The following GDAP2 variants were observed in gnomAD, a reference collection of about 807,000 sequenced individuals.
The protein encoded by GDAP2 is ganglioside induced differentiation associated protein 2.
GDAP2 carries 51 observed loss-of-function variants against 67.0 expected under a neutral mutation model. That is an observed-to-expected ratio of 0.76 (90% confidence interval 0.61 to 0.96). The LOEUF is 0.96. Ranked by LOEUF, GDAP2 falls within the 40% of genes least tolerant of loss-of-function variation. GDAP2 has a pLI of 0.00. For missense variants in GDAP2, 547 were observed against 588.3 expected, an observed-to-expected ratio of 0.93 and a Z score of 0.73; for synonymous variants, 203 against 207.3, an observed-to-expected ratio of 0.98 and a Z score of 0.18.
chr1:117,895,729 T>C (rs964494138), intron 8 of GDAP2, among the ~76,000 whole-genome samples: 1 of 152,206 alleles, frequency 6.6e-6, no homozygotes. Flanking sequence ...CATACGCTTT[T>C]GTTTTTCAAA....
intron 10 of GDAP2, 24 bp from the exon 11 acceptor site, chr1:117,883,651 G>A: frequency 6.4e-7 from 1 of 1,560,118 alleles, no homozygotes; most frequent in Non-Finnish European, 8.8e-7. Flanking sequence ...GGGGAATAAA[G>A]GTGAAGATCA....
At chr1:117,875,268 T>G (rs551453560) in intron 13 of GDAP2, among the ~76,000 whole-genome samples, 359 of 152,314 alleles carry the variant, frequency 2.4e-3, no homozygotes, top group Non-Finnish European at 3.7e-3. Context: ...TGCTGCTCTC[T>G]GCATCCCAGC....
At chr1:117,916,370 G>C (rs974075263) in intron 3 of GDAP2, among the ~76,000 whole-genome samples, 4 of 152,192 alleles carry the variant, frequency 2.6e-5, no homozygotes, top group African/African-American at 9.6e-5. Flanking sequence ...AAGGAAAAGG[G>C]GGCATGGGAT....
At position 117,899,198 on chromosome 1, in the gene GDAP2, G is replaced by A. The variant is rs1302332380; in HGVS notation, c.655C>T (p.Leu219=). The change falls in exon 7 of 14, where the codon CTA becomes TTA. Residue 219 remains leucine, a synonymous_variant. Coordinates refer to ENST00000369443, the MANE Select transcript of GDAP2 (RefSeq NM_017686.4). The part of the protein sequence containing the change: ...DLEEGTYQKL[L]PLYFPRSLKE... ...AATGACCTTGGGAAGTAGAGAGGTA[G>A]CAGCTTTTGGTAAGTACCCTGTGTC... 1 of 1,611,366 alleles carries A rather than the reference G, an allele frequency of 6.2e-7. No homozygotes were observed. The highest frequency in any genetic ancestry group is 8.5e-7 in the Non-Finnish European group (1 of 1,177,540).
chr1:117,891,822 T>C (rs997402327), intron 8 of GDAP2, among the ~76,000 whole-genome samples: 18 of 152,152 alleles, frequency 1.2e-4, no homozygotes, highest in Admixed American at 1.2e-3. Context: ...TGAAGGATAC[T>C]AGCTTAACTT....
rs1648217335 is a variant in GDAP2 at position 117,870,489 on chromosome 1, C to A, written c.*80G>T. 1.1e-6 allele frequency: 1 copy of A among 889,696 alleles called. No individual in the cohort carries two copies. Among genetic ancestry groups the A allele is most frequent in the African/African-American group, 1.6e-5 (1 of 60,874 alleles). The allele number at this position is 889,696 out of a possible 1,614,324, so 55.1% of individuals were successfully genotyped here. Reference sequence around the variant, plus strand: ...AAGGCTCTCTGGATCTGTACAGCAACAATGAATATCACTTCAACAGGTAGC... The same window carrying A: ...AAGGCTCTCTGGATCTGTACAGCAAAAATGAATATCACTTCAACAGGTAGC... On this transcript the variant is annotated 3_prime_UTR_variant, in exon 14 of 14. Transcript: ENST00000369443.
intron 6 of GDAP2, among the ~76,000 whole-genome samples, chr1:117,903,064 T>C (rs905723677): frequency 7.2e-5 from 11 of 152,174 alleles, no homozygotes; most frequent in Non-Finnish European, 1.5e-4. Context: ...TGTTTCCGGA[T>C]TGGTCATTGT....
intron 6 of GDAP2, among the ~76,000 whole-genome samples, chr1:117,906,205 G>T (rs1649652024): frequency 6.6e-6 from 1 of 152,184 alleles, no homozygotes; most frequent in Admixed American, 6.5e-5. Context: ...CAAACACGCA[G>T]TGCTTAGAAG....
chr1:117,918,107 T>C (rs1650112533), intron 3 of GDAP2, among the ~76,000 whole-genome samples: 1 of 152,228 alleles, frequency 6.6e-6, no homozygotes, highest in South Asian at 2.1e-4. Context: ...TTCATATAGG[T>C]TAACTTTGCT....
chr1:117,918,877 G>T, intron 2 of GDAP2, 141 bp from the exon 3 acceptor site: 2 of 675,678 alleles, frequency 3.0e-6, no homozygotes, highest in Middle Eastern at 2.9e-4. Context: ...TAGTAGAAAA[G>T]AAATTTCTGA....
chr1:117,890,616 C>G (rs1198773634), intron 8 of GDAP2, among the ~76,000 whole-genome samples: 1 of 152,028 alleles, frequency 6.6e-6, no homozygotes, highest in African/African-American at 2.4e-5. Flanking sequence ...ACCACTATAA[C>G]AAAAATTAGC....
intron 5 of GDAP2, among the ~76,000 whole-genome samples, chr1:117,909,694 A>G (rs1432883312): frequency 2.0e-5 from 3 of 152,158 alleles, no homozygotes; most frequent in African/African-American, 7.2e-5. Context: ...AGAGCTGTAC[A>G]TTTCCTTTTT....
At chr1:117,907,414 T>C (rs994099530) in intron 5 of GDAP2, among the ~76,000 whole-genome samples, 6 of 152,218 alleles carry the variant, frequency 3.9e-5, no homozygotes, top group African/African-American at 1.4e-4. Flanking sequence ...GCCTATTAGG[T>C]ATATCTGCTT....
At position 117,912,074 on chromosome 1, in the gene GDAP2, G is replaced by C; in HGVS notation, c.479C>G (p.Ser160Ter). 6.2e-7 allele frequency: 1 copy of C among 1,603,132 alleles called. No homozygotes were observed. The highest frequency in any genetic ancestry group is 8.5e-7 in the Non-Finnish European group (1 of 1,170,206). ...GACACAGAAGCCAACAGAAGACATTGACTGCTCTCTGCAACAAAGGGAAAA... is the reference window on the plus strand; with the variant it reads ...GACACAGAAGCCAACAGAAGACATTCACTGCTCTCTGCAACAAAGGGAAAA... ...RNVLQLAKEQSMSSVGFCVIN... is the reference protein window; with the variant it reads ...RNVLQLAKEQ Residue 160 changes from serine to a stop codon, truncating the protein, a stop_gained, in exon 5 of 14, where the codon TCA becomes TGA. Coordinates refer to ENST00000369443, the MANE Select transcript of GDAP2 (RefSeq NM_017686.4). LOFTEE classifies it high-confidence loss of function.
chr1:117,901,684 T>C (rs1406259554), intron 6 of GDAP2, among the ~76,000 whole-genome samples: 1 of 150,774 alleles, frequency 6.6e-6, no homozygotes, highest in African/African-American at 2.5e-5. Flanking sequence ...ATGTTAATTA[T>C]GTTTAATTTT....
intron 6 of GDAP2, among the ~76,000 whole-genome samples, chr1:117,903,569 T>C (rs958855824): frequency 6.6e-6 from 1 of 152,000 alleles, no homozygotes; most frequent in African/African-American, 2.4e-5. Context: ...TATGATATAT[T>C]ACATTGATTC....
rs931400855 is a variant in GDAP2 at position 117,866,875 on chromosome 1, A to AG, written c.*3693_*3694insC. The AG allele has an allele frequency of 6.6e-6, 1 of 151,704 alleles. No homozygotes were observed. Among genetic ancestry groups the AG allele is most frequent in the Non-Finnish European group, 1.5e-5 (1 of 67,976 alleles). The allele number at this position is 151,704 out of a possible 1,614,324, so 9.4% of individuals were successfully genotyped here. On this transcript the variant is annotated 3_prime_UTR_variant, in exon 14 of 14. Transcript: ENST00000369443. ...AAGTACAGTAAGGCCCTTTAAAAAAAAAAAAGAAAAAGAAAAAGAAACCTA... is the reference window on the plus strand; with the variant it reads ...AAGTACAGTAAGGCCCTTTAAAAAAAGAAAAAGAAAAAGAAAAAGAAACCTA...
At chr1:117,922,941 C>T (rs56974581) in intron 1 of GDAP2, among the ~76,000 whole-genome samples, 3,788 of 152,316 alleles carry the variant, frequency 0.025, 155 homozygotes, top group African/African-American at 0.087. Flanking sequence ...GGCAGACACT[C>T]CCACGGTGGA....
At chr1:117,908,804 G>A (rs926799587) in intron 5 of GDAP2, among the ~76,000 whole-genome samples, 1 of 151,754 alleles carries the variant, frequency 6.6e-6, no homozygotes, top group African/African-American at 2.4e-5. Flanking sequence ...CAGCCTGGGC[G>A]ACAGTGTATG....
Sources: allele counts gnomAD v4.1 joint callset (sites outside exome capture counted in the v4.1 genomes callset), GRCh38; gene constraint gnomAD v4.1.1; transcripts MANE v1.5; gene names NCBI Gene and HGNC (gene_info 2026-07-23, HGNC 2026-07-21).